Variants in NAV3 observed in about 807,000 individuals in gnomAD.
The protein encoded by NAV3 is pore membrane and/or filament interacting like protein 1.
In NAV3, 87 loss-of-function variants were observed where a neutral mutation model predicts 244.7. The ratio of observed to expected loss-of-function variants is 0.36; its 90% CI spans 0.30 to 0.42. The LOEUF is 0.42. Ranked by LOEUF, NAV3 falls within the 20% of genes least tolerant of loss-of-function variation. The probability of loss-of-function intolerance (pLI) is 1.00; values close to 1 mark genes in which losing one functional copy is unlikely to be tolerated. For missense variants in NAV3, 2,663 were observed against 2,893.3 expected (o/e 0.92, Z 1.83); for synonymous variants, 1,126 against 1,042.2 (o/e 1.08, Z -1.55).
upstream of NAV3, among the ~76,000 whole-genome samples, chr12:77,826,042 T>G (rs1358492503): frequency 1.3e-5 from 2 of 152,122 alleles, no homozygotes; most frequent in African/African-American, 4.8e-5. Flanking sequence ...GTATAGAGTA[T>G]GTGGAGCAAC....
chr12:77,808,179 A>G (rs1238475770), intron 2 of NAV3, among the ~76,000 whole-genome samples: 1 of 152,138 alleles, frequency 6.6e-6, no homozygotes, highest in Non-Finnish European at 1.5e-5. Flanking sequence ...AGTTCTGTCA[A>G]TTCATCAAAC....
chr12:78,098,719 G>T (rs2887726), intron 12 of NAV3, among the ~76,000 whole-genome samples: 50,776 of 150,048 alleles, frequency 0.34, 8,717 homozygotes, highest in African/African-American at 0.39. Flanking sequence ...TTTGAAACTG[G>T]TTTTTTTTTA....
intron 2 of NAV3, among the ~76,000 whole-genome samples, chr12:77,647,087 C>CAT (rs1565751654): frequency 6.6e-6 from 1 of 151,576 alleles, no homozygotes; most frequent in Non-Finnish European, 1.5e-5. Context: ...CACACACACA[C>CAT]GTATATGTAC....
chr12:77,706,768 G>A (rs1875824307), intron 2 of NAV3, among the ~76,000 whole-genome samples: 3 of 148,870 alleles, frequency 2.0e-5, no homozygotes, highest in African/African-American at 2.5e-5. Flanking sequence ...CTACTCGGGA[G>A]GCTGAGGCAG....
At chr12:78,111,877 T>C (rs1209462513) in intron 12 of NAV3, among the ~76,000 whole-genome samples, 1 of 152,206 alleles carries the variant, frequency 6.6e-6, no homozygotes, top group African/African-American at 2.4e-5. Flanking sequence ...GAAAAGATAC[T>C]GTATGCATTG....
At chr12:78,061,324 C>G (rs536412654) in intron 12 of NAV3, among the ~76,000 whole-genome samples, 1 of 152,262 alleles carries the variant, frequency 6.6e-6, no homozygotes, top group Non-Finnish European at 1.5e-5. Flanking sequence ...CTTATTTACC[C>G]TATTAGCTGT....
chr12:77,651,781 T>C (rs1176965778), intron 2 of NAV3, among the ~76,000 whole-genome samples: 1 of 152,180 alleles, frequency 6.6e-6, no homozygotes, highest in Non-Finnish European at 1.5e-5. Flanking sequence ...TGGTAACTCA[T>C]GTAATAGAAG....
At chr12:77,824,241 A>ATTTTTTTTTT (rs61710960) in intron 2 of NAV3, among the ~76,000 whole-genome samples, 1,882 of 104,720 alleles carry the variant, frequency 0.018, no homozygotes, top group Non-Finnish European at 0.025. Flanking sequence ...GCCCAACTAA[A>ATTTTTTTTTT]TTTTTTTTTT....
At chr12:77,761,778 C>T (rs562727884) in intron 2 of NAV3, among the ~76,000 whole-genome samples, 2 of 152,312 alleles carry the variant, frequency 1.3e-5, no homozygotes, top group East Asian at 3.9e-4. Flanking sequence ...CAGAAAACAA[C>T]AGATGCTGGA....
At chr12:77,673,849 C>G (rs145659838) in intron 2 of NAV3, among the ~76,000 whole-genome samples, 2 of 152,034 alleles carry the variant, frequency 1.3e-5, no homozygotes, top group African/African-American at 4.8e-5. Context: ...ACACAATGAA[C>G]TCTTGCTTTT....
At chr12:77,623,526 A>C (rs1468375043) in intron 2 of NAV3, among the ~76,000 whole-genome samples, 8 of 152,212 alleles carry the variant, frequency 5.3e-5, no homozygotes, top group African/African-American at 9.6e-5. Flanking sequence ...TTTGTAACAA[A>C]ATCAGTAAGA....
intron 1 of NAV3, among the ~76,000 whole-genome samples, chr12:77,873,300 T>C (rs1003312647): frequency 2.0e-5 from 3 of 152,140 alleles, no homozygotes; most frequent in Admixed American, 6.6e-5. Flanking sequence ...CTTTTTAGTA[T>C]ATTAGTATAT....
intron 23 of NAV3, among the ~76,000 whole-genome samples, chr12:78,162,985 T>C (rs989579383): frequency 1.4e-5 from 2 of 144,186 alleles, no homozygotes; most frequent in African/African-American, 5.1e-5. Context: ...TTAAAACATA[T>C]AGGATTTCAG....
chr12:77,994,991 A>C (rs1872115078), intron 6 of NAV3, 120 bp downstream of exon 6: 1 of 640,306 alleles, frequency 1.6e-6, no homozygotes, highest in East Asian at 2.9e-5. Context: ...TAGAGCACTA[A>C]ATTTTTCCAG....
intron 2 of NAV3, among the ~76,000 whole-genome samples, chr12:77,670,569 T>C (rs750339937): frequency 6.6e-6 from 1 of 152,102 alleles, no homozygotes; most frequent in Non-Finnish European, 1.5e-5. Context: ...TCTAACAGCA[T>C]ATCAAAAGGA....
At chr12:77,992,708 A>G (rs2136374687) in intron 5 of NAV3, among the ~76,000 whole-genome samples, 1 of 152,328 alleles carries the variant, frequency 6.6e-6, no homozygotes, top group Middle Eastern at 3.4e-3. Context: ...ATTTGAGGAA[A>G]GAGGATATAC....
chr12:78,195,369 AT>A (rs1350795764), intron 34 of NAV3, among the ~76,000 whole-genome samples: 1 of 151,434 alleles, frequency 6.6e-6, no homozygotes, highest in Non-Finnish European at 1.5e-5. Context: ...TATTATTATT[AT>A]TATTTGCTTT....
chr12:77,635,649 A>C (rs1872124280), intron 2 of NAV3, among the ~76,000 whole-genome samples: 1 of 152,200 alleles, frequency 6.6e-6, no homozygotes, highest in Non-Finnish European at 1.5e-5. Flanking sequence ...CTGAAGAGGC[A>C]CCTTAAAAAT....
intron 1 of NAV3, among the ~76,000 whole-genome samples, chr12:77,921,840 T>A (rs1565923325): frequency 6.6e-6 from 1 of 152,152 alleles, no homozygotes; most frequent in Admixed American, 6.6e-5. Flanking sequence ...TAAACTTAGC[T>A]CTGTGACTTG....
Sources: gnomAD v4.1 joint callset for allele counts (sites outside exome capture counted in the v4.1 genomes callset) on GRCh38, gnomAD v4.1.1 for gene constraint, MANE v1.5 for transcripts, NCBI Gene and HGNC (gene_info 2026-07-23, HGNC 2026-07-21) for gene names.